The following STK3 variants were observed in gnomAD, a reference collection of about 807,000 sequenced individuals.
STK3 encodes serine/threonine kinase 3.
STK3 carries 41 observed loss-of-function variants against 58.0 expected under a neutral mutation model. The observed-to-expected ratio is 0.71, with a 90% CI of 0.55 to 0.92. The LOEUF (loss-of-function observed/expected upper bound fraction) is 0.92, where lower values mean the gene tolerates loss of function less well. Ranked by LOEUF, STK3 falls within the 40% of genes least tolerant of loss-of-function variation. STK3 has a pLI of 0.00. For missense variants in STK3, 479 were observed against 602.7 expected (o/e 0.79, Z 2.15); for synonymous variants, 170 against 191.0 (o/e 0.89, Z 0.91).
intron 3 of STK3, among the ~76,000 whole-genome samples, chr8:98,424,791 G>A (rs1385568503): frequency 6.6e-6 from 1 of 152,236 alleles, no homozygotes; most frequent in Non-Finnish European, 1.5e-5. Flanking sequence ...TTTATGCACT[G>A]AGCTAAACCA....
At chr8:98,564,300 C>T (rs1436706841) in intron 8 of STK3, among the ~76,000 whole-genome samples, 1 of 152,118 alleles carries the variant, frequency 6.6e-6, no homozygotes, top group Non-Finnish European at 1.5e-5. Flanking sequence ...CCTTTCTGTG[C>T]CTGGCTTATA....
chr8:98,484,677 T>C (rs535212528), intron 10 of STK3, among the ~76,000 whole-genome samples: 7 of 151,940 alleles, frequency 4.6e-5, no homozygotes, highest in Non-Finnish European at 8.8e-5. Context: ...AAAAAGTAAA[T>C]ATAAAGAAAA....
chr8:98,824,985 T>C (rs943535122), intron 1 of STK3, among the ~76,000 whole-genome samples: 3 of 152,252 alleles, frequency 2.0e-5, no homozygotes. Flanking sequence ...CCCACTCTTG[T>C]ATGCATACAT....
At chr8:98,479,772 C>T (rs981674417) in intron 10 of STK3, among the ~76,000 whole-genome samples, 5 of 152,096 alleles carry the variant, frequency 3.3e-5, no homozygotes, top group African/African-American at 1.2e-4. Context: ...AGAAGCCAAC[C>T]TTGATACGAC....
chr8:98,663,642 G>C (rs950922246), intron 6 of STK3, among the ~76,000 whole-genome samples: 17 of 152,246 alleles, frequency 1.1e-4, no homozygotes, highest in Admixed American at 9.8e-4. Context: ...AAATGATAGA[G>C]TGGATTAAGA....
intron 3 of STK3, among the ~76,000 whole-genome samples, chr8:98,759,548 C>T (rs577374671): frequency 1.3e-5 from 2 of 152,052 alleles, no homozygotes; most frequent in Admixed American, 1.3e-4. Context: ...ATTACCAAAA[C>T]ATGACATAGA....
At chr8:98,356,113 G>A in the STK3 span, among the ~76,000 whole-genome samples, 1 of 152,212 alleles carries the variant, frequency 6.6e-6, no homozygotes, top group Non-Finnish European at 1.5e-5. Context: ...TGCAGATTGG[G>A]CTGGGGTTAG....
intron 4 of STK3, among the ~76,000 whole-genome samples, chr8:98,709,929 T>G (rs1278055100): frequency 6.6e-6 from 1 of 151,956 alleles, no homozygotes; most frequent in Non-Finnish European, 1.5e-5. Context: ...TTTTGCCATT[T>G]TTTTTTTAAA....
At chr8:98,794,114 T>C (rs1436964965) in intron 1 of STK3, among the ~76,000 whole-genome samples, 1 of 152,144 alleles carries the variant, frequency 6.6e-6, no homozygotes, top group African/African-American at 2.4e-5. Flanking sequence ...CAATCTATTA[T>C]ATCTAGAGGA....
chr8:98,457,399 C>T (rs1819580753), intron 10 of STK3, among the ~76,000 whole-genome samples: 1 of 152,162 alleles, frequency 6.6e-6, no homozygotes. Flanking sequence ...AACCACATTT[C>T]CCAAGAAAGA....
chr8:98,734,388 T>C (rs573186426), intron 4 of STK3, among the ~76,000 whole-genome samples: 1 of 152,240 alleles, frequency 6.6e-6, no homozygotes, highest in Admixed American at 6.5e-5. Flanking sequence ...CTAAAACCCA[T>C]ATTGCTGAAA....
chr8:98,672,777 T>C (rs1307958662), intron 6 of STK3, among the ~76,000 whole-genome samples: 1 of 152,212 alleles, frequency 6.6e-6, no homozygotes, highest in East Asian at 1.9e-4. Flanking sequence ...TAGGTGGCTA[T>C]ACAGTTAATG....
rs1405338397 is a variant in STK3, at chr8:98,852,672, A to G, written c.110+30975T>C. Among the ~76,000 whole-genome samples, 10 of 152,202 alleles carry G rather than the reference A, an allele frequency of 6.6e-5. No individual in the cohort carries two copies. In the East Asian group the frequency reaches 1.7e-3, roughly 26 times the overall value. On this transcript the variant is annotated intron_variant, in intron 3 of 12. Transcript: ENST00000523601. Reference sequence around the variant, plus strand: ...AAAAAACTTTGCAGGGGCAATTCTCACAGTTTATTTTTGTGTTTCTCTCAA... The same window carrying G: ...AAAAAACTTTGCAGGGGCAATTCTCGCAGTTTATTTTTGTGTTTCTCTCAA...
chr8:98,693,379 C>G (rs967726654), intron 6 of STK3, among the ~76,000 whole-genome samples: 1 of 152,030 alleles, frequency 6.6e-6, no homozygotes, highest in Admixed American at 6.6e-5. Context: ...GGTGACAAAG[C>G]AAGACCCTGT....
At chr8:98,570,633 A>C (rs957750977) in intron 8 of STK3, among the ~76,000 whole-genome samples, 5 of 152,228 alleles carry the variant, frequency 3.3e-5, no homozygotes, top group Admixed American at 6.5e-5. Flanking sequence ...AGCAAAAAAA[A>C]CCCGAAAACT....
intron 6 of STK3, among the ~76,000 whole-genome samples, chr8:98,645,114 G>A (rs1392466214): frequency 6.6e-6 from 1 of 152,172 alleles, no homozygotes; most frequent in African/African-American, 2.4e-5. Flanking sequence ...AGTTCATAAA[G>A]TTGAAATTGA....
chr8:98,709,027 GA>G (rs913029089), intron 4 of STK3, among the ~76,000 whole-genome samples: 48 of 152,078 alleles, frequency 3.2e-4, no homozygotes, highest in Non-Finnish European at 7.4e-5. Context: ...TGCAAGGAGA[GA>G]GGGGGTAGAG....
intron 10 of STK3, among the ~76,000 whole-genome samples, chr8:98,476,155 G>A (rs1440347229): frequency 6.6e-6 from 1 of 152,166 alleles, no homozygotes; most frequent in African/African-American, 2.4e-5. Flanking sequence ...AATGTTACCT[G>A]TGTATTCAAC....
At chr8:98,676,140 T>C (rs925705982) in intron 6 of STK3, among the ~76,000 whole-genome samples, 1 of 152,124 alleles carries the variant, frequency 6.6e-6, no homozygotes, top group East Asian at 1.9e-4. Context: ...TCCACTTACA[T>C]GAGGTACCCA....
Sources: gnomAD v4.1 joint callset for allele counts (sites outside exome capture counted in the v4.1 genomes callset) on GRCh38, gnomAD v4.1.1 for gene constraint, MANE v1.5 for transcripts, NCBI Gene and HGNC (gene_info 2026-07-23, HGNC 2026-07-21) for gene names.